FRMD4B: variants seen among roughly 807,000 people sequenced by gnomAD.
FRMD4B encodes the protein FERM domain-containing protein 4B.
In FRMD4B, 74 loss-of-function variants were observed where a neutral mutation model predicts 141.5. The observed-to-expected ratio is 0.52, with a 90% CI of 0.43 to 0.63. FRMD4B has a LOEUF of 0.63. FRMD4B is among the 30% of genes least tolerant of loss of function. The pLI, the probability that FRMD4B is intolerant of heterozygous loss-of-function variation, is 0.00. For missense variants in FRMD4B, 1,366 were observed against 1,253.4 expected, an observed-to-expected ratio of 1.09 and a Z score of -1.36; for synonymous variants, 506 against 467.9, an observed-to-expected ratio of 1.08 and a Z score of -1.05.
exon 1 of FRMD4B, chr3:69,542,286 C>G (rs1427968676): frequency 3.3e-5 from 5 of 152,208 alleles, no homozygotes; most frequent in African/African-American, 7.3e-5. Context: ...CGCGCGGGAC[C>G]TGGGGACCCG....
chr3:69,233,958 T>C (rs1440230801), intron 7 of FRMD4B, among the ~76,000 whole-genome samples: 3 of 152,126 alleles, frequency 2.0e-5, no homozygotes, highest in Non-Finnish European at 1.5e-5. Flanking sequence ...CTACAAAAGT[T>C]TATTTAGGCC....
At chr3:69,475,868 T>C (rs1226019692) in intron 1 of FRMD4B, among the ~76,000 whole-genome samples, 3 of 151,850 alleles carry the variant, frequency 2.0e-5, no homozygotes, top group Non-Finnish European at 4.4e-5. Flanking sequence ...CCAGCACCTG[T>C]TGTTTCCTGA....
At chr3:69,454,886 A>G (rs557805015) in intron 1 of FRMD4B, among the ~76,000 whole-genome samples, 22 of 152,224 alleles carry the variant, frequency 1.4e-4, no homozygotes, top group African/African-American at 5.1e-4. Context: ...AGTCAGCTGG[A>G]CTCCTAAATC....
chr3:69,177,601 G>A (rs2092661039), intron 21 of FRMD4B, among the ~76,000 whole-genome samples: 1 of 152,186 alleles, frequency 6.6e-6, no homozygotes, highest in Non-Finnish European at 1.5e-5. Context: ...AGTGAGCCAT[G>A]TTTGCACCAC....
intron 2 of FRMD4B, among the ~76,000 whole-genome samples, chr3:69,406,714 G>A (rs1302239151): frequency 6.6e-6 from 1 of 151,762 alleles, no homozygotes; most frequent in Non-Finnish European, 1.5e-5. Context: ...CTTACCAAAT[G>A]TCATTAATGT....
chr3:69,341,968 A>G (rs1023455857), intron 1 of FRMD4B, among the ~76,000 whole-genome samples: 2 of 152,218 alleles, frequency 1.3e-5, no homozygotes, highest in African/African-American at 4.8e-5. Flanking sequence ...GACAGGCAAC[A>G]CACACAAAGG....
At chr3:69,351,245 G>T (rs1274587042) in intron 1 of FRMD4B, among the ~76,000 whole-genome samples, 1 of 152,004 alleles carries the variant, frequency 6.6e-6, no homozygotes, top group Non-Finnish European at 1.5e-5. Context: ...GGAAAATATT[G>T]CATTTAAAAT....
At chr3:69,467,743 C>G (rs1275525855) in intron 1 of FRMD4B, among the ~76,000 whole-genome samples, 1 of 152,196 alleles carries the variant, frequency 6.6e-6, no homozygotes, top group African/African-American at 2.4e-5. Flanking sequence ...TATGACTAGT[C>G]TGTCCAAGCA....
chr3:69,434,079 A>G (rs937430758), intron 1 of FRMD4B, among the ~76,000 whole-genome samples: 1 of 152,304 alleles, frequency 6.6e-6, no homozygotes, highest in Middle Eastern at 3.4e-3. Flanking sequence ...CCCGGCGACA[A>G]AAGCTCCTTG....
intron 19 of FRMD4B, among the ~76,000 whole-genome samples, chr3:69,182,962 A>G (rs2107601362): frequency 6.6e-6 from 1 of 152,348 alleles, no homozygotes; most frequent in East Asian, 1.9e-4. Flanking sequence ...AATAAAGAGT[A>G]CACTGAATAA....
intron 1 of FRMD4B, among the ~76,000 whole-genome samples, chr3:69,353,180 G>A (rs1452553792): frequency 6.6e-6 from 1 of 152,046 alleles, no homozygotes; most frequent in Admixed American, 6.6e-5. Context: ...ATTTGCCAAA[G>A]TTCTAAAGCA....
intron 5 of FRMD4B, chr3:69,250,356 G>C (rs2093456265): frequency 2.9e-6 from 1 of 347,744 alleles, no homozygotes; most frequent in African/African-American, 2.1e-5. Flanking sequence ...TATGTGTAGA[G>C]AGCAGTATTC....
intron 1 of FRMD4B, among the ~76,000 whole-genome samples, chr3:69,481,725 G>A (rs541723485): frequency 1.1e-3 from 160 of 152,204 alleles, no homozygotes; most frequent in African/African-American, 3.8e-3. Flanking sequence ...TTCAGTCCCT[G>A]GAGAATGAAA....
At chr3:69,398,037 T>C (rs1704500807) in intron 2 of FRMD4B, among the ~76,000 whole-genome samples, 2 of 152,134 alleles carry the variant, frequency 1.3e-5, no homozygotes, top group Non-Finnish European at 1.5e-5. Flanking sequence ...AAAATCCTAT[T>C]TTATAAAACA....
intron 7 of FRMD4B, among the ~76,000 whole-genome samples, chr3:69,230,140 T>C (rs1325687324): frequency 6.6e-6 from 1 of 151,912 alleles, no homozygotes. Flanking sequence ...CACGCCTGGC[T>C]AATTTTTTTG....
At chr3:69,215,975 A>G (rs2093136102) in intron 11 of FRMD4B, among the ~76,000 whole-genome samples, 1 of 152,038 alleles carries the variant, frequency 6.6e-6, no homozygotes, top group South Asian at 2.1e-4. Context: ...CCAACATGGC[A>G]AAACCCCGTC....
At chr3:69,196,808 A>G (rs2092910855) in intron 13 of FRMD4B, 92 bp downstream of exon 13, 3 of 979,224 alleles carry the variant, frequency 3.1e-6, no homozygotes, top group Non-Finnish European at 3.0e-6. Context: ...GAGCAAAAAT[A>G]TATGTGCTTG....
rs141179862 is a variant in FRMD4B at position 69,361,135 on chromosome 3, T to C, written c.162+24693A>G. On this transcript the variant is annotated intron_variant, in intron 1 of 22. Transcript: ENST00000398540. ...TATGCATTTAAATATAATTTATGTG[T>C]TTCAATCCATTAAAGTTATTTTCTT... Among the ~76,000 whole-genome samples the C allele has an allele frequency of 1.9e-3, 292 of 152,344 alleles. 2 individuals are homozygous for C. Among genetic ancestry groups the C allele is most frequent in the African/African-American group, 6.7e-3 (279 of 41,586 alleles).
chr3:69,422,055 C>T (rs1457959341), intron 2 of FRMD4B, among the ~76,000 whole-genome samples: 3 of 152,204 alleles, frequency 2.0e-5, no homozygotes, highest in African/African-American at 7.2e-5. Flanking sequence ...TGCTTCAACA[C>T]ACAAAGTACA....
Sources: allele counts gnomAD v4.1 joint callset (sites outside exome capture counted in the v4.1 genomes callset), GRCh38; gene constraint gnomAD v4.1.1; transcripts MANE v1.5; gene names NCBI Gene and HGNC (gene_info 2026-07-23, HGNC 2026-07-21).